Variants in NINJ2 observed in about 807,000 individuals in gnomAD.
The protein encoded by NINJ2 is ninjurin 2.
NINJ2 carries 12 observed loss-of-function variants against 11.7 expected under a neutral mutation model. The observed-to-expected ratio is 1.02, with a 90% CI of 0.66 to 1.66. The LOEUF (loss-of-function observed/expected upper bound fraction) is 1.66, where lower values mean the gene tolerates loss of function less well. NINJ2 is among the 40% of genes most tolerant of loss of function. The pLI is 0.00. For synonymous variants in NINJ2, 93 were observed against 76.8 expected, an observed-to-expected ratio of 1.21 and a Z score of -1.10; for missense variants, 187 against 181.8, an observed-to-expected ratio of 1.03 and a Z score of -0.16.
At chr12:575,545 A>G (rs559822809) in intron 1 of NINJ2, among the ~76,000 whole-genome samples, 2 of 152,158 alleles carry the variant, frequency 1.3e-5, no homozygotes, top group African/African-American at 4.8e-5. Flanking sequence ...CCTGTTTGAA[A>G]GAAGGTCGCC....
At chr12:583,080 C>T (rs12300452) in intron 1 of NINJ2, among the ~76,000 whole-genome samples, 5 of 67,356 alleles carry the variant, frequency 7.4e-5, no homozygotes, top group Admixed American at 3.8e-4. Context: ...AATGAATGGG[C>T]GCAGGCAGGC....
At position 609,770 on chromosome 12, in the gene NINJ2, C is replaced by CAAAA. The variant is rs1185755822; in HGVS notation, c.34-43596_34-43593dup. ...TGGGCAACAGAGTGAGACTCTGCCTCAAAAAAAAAAAAAAAAATAGGGAAA... is the reference window on the plus strand; with the variant it reads ...TGGGCAACAGAGTGAGACTCTGCCTCAAAAAAAAAAAAAAAAAAAAATAGGGAAA... On this transcript the variant is annotated intron_variant, in intron 1 of 3. Transcript: ENST00000305108. Among the ~76,000 whole-genome samples the CAAAA allele has an allele frequency of 3.2e-3, 281 of 88,798 alleles. 2 individuals carry two copies. Among genetic ancestry groups the CAAAA allele is most frequent in the African/African-American group, 5.0e-3 (101 of 20,074 alleles). 58.3% of individuals were successfully genotyped at this position (88,798 alleles called of 152,430 possible). A position where few individuals can be genotyped will look rare whatever the true frequency, so the allele number is the denominator to read the frequency against.
intron 1 of NINJ2, among the ~76,000 whole-genome samples, chr12:573,065 G>T (rs1275260078): frequency 1.5e-5 from 2 of 130,464 alleles, no homozygotes; most frequent in African/African-American, 6.0e-5. Context: ...TCGCTCTGTC[G>T]CCTAGGCTGG....
rs1565643021 is a variant in NINJ2, at chr12:633,493, G to A, written c.33+29835C>T. On this transcript the variant is annotated intron_variant, in intron 1 of 3. Transcript: ENST00000305108. This position sits in a 1 kb window ranked among gnomAD's most constrained non-coding sequence, Gnocchi z 4.3. ...CCAGCCTGGGCAACAGAAAGAGACTGTCTCCAAAAAAAAAAAATCATGTCA... is the reference window on the plus strand; with the variant it reads ...CCAGCCTGGGCAACAGAAAGAGACTATCTCCAAAAAAAAAAAATCATGTCA... 6.6e-6 allele frequency among the ~76,000 whole-genome samples: 1 copy of A among 151,014 alleles called. No individual in the cohort carries two copies. The highest frequency in any genetic ancestry group is 2.4e-5 in the African/African-American group (1 of 40,894).
intron 1 of NINJ2, among the ~76,000 whole-genome samples, chr12:636,237 G>A (rs972774259): frequency 4.0e-5 from 6 of 151,162 alleles, no homozygotes; most frequent in Non-Finnish European, 5.9e-5. Flanking sequence ...TTAGCCAGGC[G>A]TGGTGGCACG....
intron 2 of NINJ2, 98 bp downstream of exon 2, chr12:565,852 G>T (rs761918203): frequency 1.9e-6 from 2 of 1,046,050 alleles, no homozygotes; most frequent in Non-Finnish European, 3.0e-6. Flanking sequence ...TTGCAAAGCT[G>T]CCTGTGCCAA....
chr12:587,233 C>T (rs1007376227), intron 1 of NINJ2, among the ~76,000 whole-genome samples: 14 of 152,148 alleles, frequency 9.2e-5, no homozygotes, highest in South Asian at 2.1e-4. Context: ...CTCACCAGGA[C>T]GGGCTGCAAA....
rs960621440 is a variant in NINJ2 at position 628,246 on chromosome 12, CTG to C, written c.33+35080_33+35081del. Among the ~76,000 whole-genome samples the C allele has an allele frequency of 6.6e-6, 1 of 152,142 alleles. No homozygotes were observed. The highest frequency in any genetic ancestry group is 1.5e-5 in the Non-Finnish European group (1 of 68,012). ...TGTCACACCTTTCCACCAGGGAAAA[CTG>C]GGTGTGGATGTTTCCCCTTCGTATG... On this transcript the variant is annotated intron_variant, in intron 1 of 3. Coordinates refer to ENST00000305108, the MANE Select transcript of NINJ2 (RefSeq NM_016533.6). The surrounding 1 kb of genome is among the most constrained non-coding windows in gnomAD (Gnocchi z 4.4).
At chr12:644,028 C>G (rs1010756931) in intron 1 of NINJ2, 3 of 154,822 alleles carry the variant, frequency 1.9e-5, no homozygotes, top group African/African-American at 7.2e-5. Flanking sequence ...GGAAGTGCCA[C>G]GGGCCGGCTC....
chr12:650,080 A>AT (rs11400576), intron 1 of NINJ2, among the ~76,000 whole-genome samples: 133,150 of 144,362 alleles, frequency 0.92, 61,999 homozygotes, highest in East Asian at 0.99. Context: ...AGATTAGTAG[A>AT]TTTTTTTTTT....
intron 1 of NINJ2, among the ~76,000 whole-genome samples, chr12:596,855 G>A (rs990724192): frequency 4.0e-5 from 6 of 151,784 alleles, no homozygotes; most frequent in South Asian, 2.1e-4. Flanking sequence ...CCAGGAAGTC[G>A]AGGTTGCAGT....
At chr12:662,940 C>T (rs981429734) in intron 1 of NINJ2, among the ~76,000 whole-genome samples, 3 of 131,156 alleles carry the variant, frequency 2.3e-5, no homozygotes, top group Non-Finnish European at 4.8e-5. Context: ...TCTTCCTAGC[C>T]TCAAAACTCA....
chr12:578,982 T>G (rs978109464), intron 1 of NINJ2, among the ~76,000 whole-genome samples: 1 of 152,204 alleles, frequency 6.6e-6, no homozygotes, highest in Admixed American at 6.5e-5. Context: ...GATTTTGTGA[T>G]GGAGCCTAAA....
intron 1 of NINJ2, among the ~76,000 whole-genome samples, chr12:571,033 C>T (rs980881314): frequency 2.0e-5 from 3 of 152,214 alleles, no homozygotes; most frequent in African/African-American, 7.2e-5. Flanking sequence ...GAGGCTGGCT[C>T]TCGGTATCTT....
chr12:593,159 T>C (rs907029237), intron 1 of NINJ2, among the ~76,000 whole-genome samples: 9 of 152,178 alleles, frequency 5.9e-5, no homozygotes, highest in African/African-American at 2.2e-4. Context: ...CCATTCTCAA[T>C]TTATTAGGTT....
intron 1 of NINJ2, among the ~76,000 whole-genome samples, chr12:625,121 G>T (rs868621723): frequency 9.9e-5 from 13 of 130,724 alleles, no homozygotes; most frequent in African/African-American, 3.0e-4. Flanking sequence ...AAAAAAAAAA[G>T]ATATATATAT....
intron 1 of NINJ2, among the ~76,000 whole-genome samples, chr12:570,014 G>A (rs1947355671): frequency 6.6e-6 from 1 of 152,228 alleles, no homozygotes; most frequent in Admixed American, 6.5e-5. Flanking sequence ...CGCAGGACGG[G>A]ATTAATGGGA....
intron 1 of NINJ2, among the ~76,000 whole-genome samples, chr12:611,225 C>T (rs7954104): frequency 7.0e-6 from 1 of 142,160 alleles, no homozygotes; most frequent in East Asian, 2.1e-4. Flanking sequence ...TTCTTTCTTT[C>T]TTTTTCTTTC....
chr12:609,944 TAA>T (rs60084425), intron 1 of NINJ2, among the ~76,000 whole-genome samples: 11,626 of 126,794 alleles, frequency 0.092, 596 homozygotes, highest in Middle Eastern at 0.15. Flanking sequence ...GACCCTGTCT[TAA>T]AAAAAAAAAA....
Sources: gnomAD v4.1 joint callset for allele counts (sites outside exome capture counted in the v4.1 genomes callset) on GRCh38, gnomAD v4.1.1 for gene constraint, Gnocchi (gnomAD v3.1) non-coding constraint, MANE v1.5 for transcripts, NCBI Gene and HGNC (gene_info 2026-07-23, HGNC 2026-07-21) for gene names.